The following WRN variants were observed in gnomAD, a reference collection of about 807,000 sequenced individuals.
The protein encoded by WRN is WRN RecQ like helicase, also known as bifunctional 3'-5' exonuclease/ATP-dependent helicase WRN.
A neutral mutation model predicts 180.7 loss-of-function variants in WRN; 149 were observed. The observed-to-expected ratio is 0.82, with a 90% CI of 0.72 to 0.94. The LOEUF is 0.94. Among genes scored for constraint, WRN ranks in the 40% least tolerant of loss-of-function variants. The pLI, the probability that WRN is intolerant of heterozygous loss-of-function variation, is 0.00. For synonymous variants in WRN, 548 were observed against 568.9 expected (o/e 0.96, Z 0.52); for missense variants, 1,661 against 1,700.1 (o/e 0.98, Z 0.40).
At chr8:31,058,994 T>C (rs1812381761) in intron 2 of WRN, among the ~76,000 whole-genome samples, 159 bp from the exon 3 acceptor site, 1 of 152,240 alleles carries the variant, frequency 6.6e-6, no homozygotes, top group African/African-American at 2.4e-5. Context: ...GATGGTTTTT[T>C]CTTTGTTAAG....
At chr8:31,166,873 G>A (rs530904979) in intron 33 of WRN, 149 bp from the exon 34 acceptor site, 16 of 722,972 alleles carry the variant, frequency 2.2e-5, no homozygotes, top group East Asian at 8.3e-5. Context: ...TTTCCATTCC[G>A]TAAGGCTATA....
At chr8:31,096,450 A>G (rs948701384) in intron 16 of WRN, among the ~76,000 whole-genome samples, 6 of 152,184 alleles carry the variant, frequency 3.9e-5, no homozygotes, top group Non-Finnish European at 5.9e-5. Context: ...GGATAAAGGA[A>G]TGTCTCATAG....
chr8:31,068,878 T>C (rs557518978), intron 7 of WRN, among the ~76,000 whole-genome samples: 1 of 152,334 alleles, frequency 6.6e-6, no homozygotes, highest in South Asian at 2.1e-4. Context: ...GTGCTGTTTT[T>C]AGAGGTCTTG....
chr8:31,166,822 G>A (rs1803890309), intron 33 of WRN, among the ~76,000 whole-genome samples, 200 bp from the exon 34 acceptor site: 1 of 152,066 alleles, frequency 6.6e-6, no homozygotes, highest in Admixed American at 6.6e-5. Context: ...GATCTTGGAG[G>A]CAGGGGCTTC....
chr8:31,105,419 C>T (rs1801058862), intron 18 of WRN, among the ~76,000 whole-genome samples: 1 of 151,942 alleles, frequency 6.6e-6, no homozygotes, highest in Admixed American at 6.6e-5. Flanking sequence ...CCTTTGCACT[C>T]ATTTTCTTGG....
At chr8:31,081,659 A>T (rs1233871259) in intron 9 of WRN, among the ~76,000 whole-genome samples, 3 of 152,042 alleles carry the variant, frequency 2.0e-5, no homozygotes, top group African/African-American at 7.2e-5. Context: ...TTCATAATAG[A>T]TGTCTCTGCT....
At chr8:31,122,052 T>C (rs538251127) in intron 21 of WRN, among the ~76,000 whole-genome samples, 1 of 152,132 alleles carries the variant, frequency 6.6e-6, no homozygotes, top group South Asian at 2.1e-4. Flanking sequence ...TGAAGGTTCA[T>C]CAATAAATAC....
intron 26 of WRN, 119 bp downstream of exon 26, chr8:31,141,894 A>G: frequency 2.0e-6 from 2 of 995,532 alleles, no homozygotes; most frequent in Admixed American, 2.0e-5. Context: ...TTGTTTTTGT[A>G]TGCCTATTTT....
At position 31,175,519 on chromosome 8, in the gene WRN, CAG is replaced by C. The variant is rs1215025725; in HGVS notation, c.*2420_*2421del. ...ATGGATTTGATATATTTGAATATAA[CAG>C]AGTATGAAAAAGTTTATTGATATAG... On this transcript the variant is annotated 3_prime_UTR_variant, in exon 35 of 35. Coordinates refer to ENST00000298139, the MANE Select transcript of WRN (RefSeq NM_000553.6). Among the ~76,000 whole-genome samples, 1 of 152,188 alleles carries C rather than the reference CAG, an allele frequency of 6.6e-6. No individual in the cohort carries two copies. Among genetic ancestry groups the C allele is most frequent in the Non-Finnish European group, 1.5e-5 (1 of 68,036 alleles).
Position 31,156,084 on chromosome 8 carries a change from C to T in WRN, c.3820-1284C>T, listed in dbSNP as rs562013968. ...TTTTAAGTTCAGTTTCTTATGTAAA[C>T]AATAACTTCTATGTACATGTTAAAT... On this transcript the variant is annotated intron_variant, in intron 32 of 34. Coordinates refer to ENST00000298139, the MANE Select transcript of WRN (RefSeq NM_000553.6). 4.6e-5 allele frequency among the ~76,000 whole-genome samples: 7 copies of T among 152,218 alleles called. No individual in the cohort carries two copies. The East Asian group carries it at 1.3e-3, about 29-fold the overall frequency.
intron 31 of WRN, among the ~76,000 whole-genome samples, chr8:31,153,654 G>C (rs35261097): frequency 7.0e-4 from 106 of 152,162 alleles, no homozygotes; most frequent in Admixed American, 1.4e-3. Context: ...ATTGCCTTGG[G>C]TCAGATAATT....
intron 1 of WRN, among the ~76,000 whole-genome samples, chr8:31,044,740 T>C (rs1296890463): frequency 6.6e-6 from 1 of 152,222 alleles, no homozygotes; most frequent in African/African-American, 2.4e-5. Context: ...TAGAGAATAA[T>C]CTTAATATGT....
At chr8:31,081,620 T>A (rs1585428910) in intron 9 of WRN, among the ~76,000 whole-genome samples, 2 of 152,268 alleles carry the variant, frequency 1.3e-5, no homozygotes, top group East Asian at 3.9e-4. Context: ...TTTGTAGGAG[T>A]TTGCTATTTT....
intron 33 of WRN, among the ~76,000 whole-genome samples, chr8:31,161,833 T>C (rs1803630005): frequency 1.4e-5 from 1 of 71,382 alleles, no homozygotes; most frequent in Non-Finnish European, 3.0e-5. Context: ...AGCGAGACTC[T>C]GTCTCAAAAA....
At chr8:31,113,675 C>CT (rs1344807361) in intron 19 of WRN, among the ~76,000 whole-genome samples, 5 of 152,082 alleles carry the variant, frequency 3.3e-5, no homozygotes, top group African/African-American at 7.2e-5. Context: ...AGCAGTTTGC[C>CT]TTTTTTGTGT....
intron 19 of WRN, among the ~76,000 whole-genome samples, chr8:31,114,317 G>A (rs1456828254): frequency 1.3e-5 from 2 of 151,986 alleles, no homozygotes; most frequent in African/African-American, 4.8e-5. Flanking sequence ...TATATTCATA[G>A]TACATTTAAG....
At chr8:31,151,180 A>G (rs960377345) in intron 31 of WRN, among the ~76,000 whole-genome samples, 3 of 152,174 alleles carry the variant, frequency 2.0e-5, no homozygotes, top group Admixed American at 1.3e-4. Flanking sequence ...TTCCTCAGCT[A>G]TACAATGGAA....
chr8:31,085,045 A>G lies in WRN; in HGVS notation c.1351-121A>G, dbSNP rs561454022. The G allele has an allele frequency of 1.5e-3, 1,041 of 692,348 alleles. 3 individuals carry two copies. The highest frequency in any genetic ancestry group is 2.2e-3 in the Non-Finnish European group (899 of 414,602). The allele number at this position is 692,348 out of a possible 1,614,324, so 42.9% of individuals were successfully genotyped here. On this transcript the variant is annotated intron_variant, in intron 10 of 34. Coordinates refer to ENST00000298139, the MANE Select transcript of WRN (RefSeq NM_000553.6). ...ATATAAATATGTAAATATATATTAT[A>G]TATCCATTAGGGAAGAGGAAGCTGT...
chr8:31,176,125 T>C lies in WRN; in HGVS notation c.*3023T>C, dbSNP rs1174854952. Among the ~76,000 whole-genome samples the C allele has an allele frequency of 1.3e-5, 2 of 152,180 alleles. No individual in the cohort carries two copies. The highest frequency in any genetic ancestry group is 2.9e-5 in the Non-Finnish European group (2 of 68,028). On this transcript the variant is annotated 3_prime_UTR_variant, in exon 35 of 35. Coordinates refer to ENST00000298139, the MANE Select transcript of WRN (RefSeq NM_000553.6). ...GTTGGACATTAAAGTTGCTTTCAGT[T>C]TTTTTGTTTTAAACAGCACTGCTTT... is the stretch of plus-strand genomic sequence containing the variant.
Sources: gnomAD v4.1 joint callset for allele counts (sites outside exome capture counted in the v4.1 genomes callset) on GRCh38, gnomAD v4.1.1 for gene constraint, MANE v1.5 for transcripts, NCBI Gene and HGNC (gene_info 2026-07-23, HGNC 2026-07-21) for gene names.